ANKRD30BL: variants seen among roughly 807,000 people sequenced by gnomAD.
ANKRD30BL encodes putative ankyrin repeat domain-containing protein 30B-like.
ANKRD30BL carries 20 observed loss-of-function variants against 18.4 expected under a neutral mutation model. The observed-to-expected ratio is 1.09, with a 90% CI of 0.77 to 1.58. ANKRD30BL has a LOEUF of 1.58. Ranked by LOEUF, ANKRD30BL falls within the 40% of genes most tolerant of loss-of-function variation. ANKRD30BL has a pLI of 0.00. For synonymous variants in ANKRD30BL, 72 were observed against 100.9 expected (o/e 0.71, Z 1.72); for missense variants, 224 against 268.6 (o/e 0.83, Z 1.16).
At chr2:132,227,762 T>G (rs1679887442) in intron 1 of ANKRD30BL, among the ~76,000 whole-genome samples, 1 of 152,168 alleles carries the variant, frequency 6.6e-6, no homozygotes, top group Non-Finnish European at 1.5e-5. Flanking sequence ...ATCTTCTTTG[T>G]GATGTGTGCC....
chr2:132,228,596 T>C (rs1265776507), intron 1 of ANKRD30BL, among the ~76,000 whole-genome samples: 9 of 150,720 alleles, frequency 6.0e-5, no homozygotes, highest in East Asian at 2.0e-4. Flanking sequence ...GAAAAGTAAA[T>C]ATTTTCACAT....
intron 1 of ANKRD30BL, among the ~76,000 whole-genome samples, chr2:132,229,237 G>C (rs1679935669): frequency 6.6e-6 from 1 of 152,198 alleles, no homozygotes. Context: ...TCTGCAAGTG[G>C]ACCTTTCGAG....
chr2:132,237,767 C>A (rs914312278), intron 1 of ANKRD30BL, among the ~76,000 whole-genome samples: 2 of 150,428 alleles, frequency 1.3e-5, no homozygotes, highest in Non-Finnish European at 3.0e-5. Context: ...CTTTGAAAGC[C>A]TATGGTGAAA....
intron 1 of ANKRD30BL, among the ~76,000 whole-genome samples, chr2:132,172,200 T>C (rs1353000181): frequency 6.6e-6 from 1 of 152,226 alleles, no homozygotes; most frequent in African/African-American, 2.4e-5. Flanking sequence ...TCAATATCTG[T>C]TGGAGTCTCT....
At chr2:132,203,842 G>A (rs1244295932) in intron 1 of ANKRD30BL, among the ~76,000 whole-genome samples, 2 of 151,918 alleles carry the variant, frequency 1.3e-5, no homozygotes, top group African/African-American at 2.4e-5. Context: ...TCTTACTTTT[G>A]GTTTCATCAA....
chr2:132,198,833 G>A (rs1282734209), intron 1 of ANKRD30BL, among the ~76,000 whole-genome samples: 1 of 151,740 alleles, frequency 6.6e-6, no homozygotes, highest in Non-Finnish European at 1.5e-5. Context: ...GGCTAGGCTT[G>A]TTTCGAAATC....
intron 1 of ANKRD30BL, among the ~76,000 whole-genome samples, chr2:132,252,443 G>A (rs1439450988): frequency 1.3e-5 from 2 of 151,820 alleles, no homozygotes; most frequent in Non-Finnish European, 1.5e-5. Flanking sequence ...ACCACCAGGG[G>A]CAAGCGAACC....
intron 1 of ANKRD30BL, among the ~76,000 whole-genome samples, chr2:132,245,765 T>G (rs554524913): frequency 7.4e-5 from 2 of 27,086 alleles, no homozygotes; most frequent in East Asian, 1.0e-3. Flanking sequence ...GCTTTGAAGA[T>G]TTCGTTGGAA....
intron 1 of ANKRD30BL, among the ~76,000 whole-genome samples, chr2:132,210,924 G>T (rs955358083): frequency 2.0e-5 from 3 of 151,750 alleles, no homozygotes; most frequent in African/African-American, 7.3e-5. Flanking sequence ...AAACTTCTTT[G>T]TGATGTGTGC....
chr2:132,218,356 G>C (rs1297530180), intron 1 of ANKRD30BL, among the ~76,000 whole-genome samples: 1 of 152,212 alleles, frequency 6.6e-6, no homozygotes, highest in Non-Finnish European at 1.5e-5. Flanking sequence ...AACTCACAGA[G>C]TTGAACATAC....
rs898183395 is a variant in ANKRD30BL at position 132,214,307 on chromosome 2, C to A, written n.441+43222G>T. ...GTGGATATTTAGAGAGCTTTGAGGCCTATGTTGGAAAAGGAAATATCTTTA... is the reference window on the plus strand; with the variant it reads ...GTGGATATTTAGAGAGCTTTGAGGCATATGTTGGAAAAGGAAATATCTTTA... On this transcript the variant is annotated intron_variant and non_coding_transcript_variant, in intron 1 of 4. Transcript: ENST00000470729. Among the ~76,000 whole-genome samples, 177 of 151,728 alleles carry A rather than the reference C, an allele frequency of 1.2e-3. 2 individuals are homozygous for A. The highest frequency in any genetic ancestry group is 4.0e-3 in the African/African-American group (166 of 41,444).
At chr2:132,178,114 A>C (rs1364772699) in intron 1 of ANKRD30BL, among the ~76,000 whole-genome samples, 2 of 152,212 alleles carry the variant, frequency 1.3e-5, no homozygotes, top group Non-Finnish European at 2.9e-5. Context: ...TTCACCAGTA[A>C]GTTTAAGTCA....
chr2:132,158,927 G>C (rs1453208822), intron 1 of ANKRD30BL, among the ~76,000 whole-genome samples: 1 of 151,696 alleles, frequency 6.6e-6, no homozygotes, highest in Non-Finnish European at 1.5e-5. Flanking sequence ...ATTAAATTAC[G>C]GAAAGTGAGA....
chr2:132,236,234 C>G (rs1680147585), intron 1 of ANKRD30BL, among the ~76,000 whole-genome samples: 3 of 151,712 alleles, frequency 2.0e-5, no homozygotes, highest in African/African-American at 7.3e-5. Context: ...ACCATAAAAA[C>G]CCTAGAAGAA....
At chr2:132,240,696 A>G (rs1264604747) in intron 1 of ANKRD30BL, among the ~76,000 whole-genome samples, 1 of 152,028 alleles carries the variant, frequency 6.6e-6, no homozygotes, top group African/African-American at 2.4e-5. Context: ...ATTCTCAGAA[A>G]CTTCTTTGTG....
chr2:132,243,743 A>G (rs1387797463), intron 1 of ANKRD30BL, among the ~76,000 whole-genome samples: 1 of 151,902 alleles, frequency 6.6e-6, no homozygotes, highest in Non-Finnish European at 1.5e-5. Context: ...CTTCACATAA[A>G]AACAAGACAG....
upstream of ANKRD30BL, among the ~76,000 whole-genome samples, chr2:132,162,842 G>A (rs572557856): frequency 2.0e-5 from 3 of 152,372 alleles, no homozygotes; most frequent in East Asian, 3.9e-4. Context: ...GTTCAGCGCC[G>A]CCTGGGCCCA....
chr2:132,250,607 C>T (rs1680624960), intron 1 of ANKRD30BL, among the ~76,000 whole-genome samples: 1 of 152,182 alleles, frequency 6.6e-6, no homozygotes, highest in Non-Finnish European at 1.5e-5. Context: ...AAAGGGCATG[C>T]ATTGCCTAAG....
chr2:132,250,627 C>A (rs2104808294), intron 1 of ANKRD30BL, among the ~76,000 whole-genome samples: 1 of 152,280 alleles, frequency 6.6e-6, no homozygotes, highest in East Asian at 1.9e-4. Flanking sequence ...GGTGATTCTG[C>A]AGCTTTGGTG....
Sources: gnomAD v4.1 joint callset for allele counts (sites outside exome capture counted in the v4.1 genomes callset) on GRCh38, gnomAD v4.1.1 for gene constraint, MANE v1.5 for transcripts, NCBI Gene and HGNC (gene_info 2026-07-23, HGNC 2026-07-21) for gene names.